MAML3: variants seen among roughly 807,000 people sequenced by gnomAD.
The protein encoded by MAML3 is mastermind-like protein 3.
In MAML3, 27 loss-of-function variants were observed where a neutral mutation model predicts 101.9. That is an observed-to-expected ratio of 0.27 (90% CI 0.20 to 0.37). The LOEUF (loss-of-function observed/expected upper bound fraction) is 0.37. Ranked by LOEUF, MAML3 falls within the 10% of genes least tolerant of loss-of-function variation. The pLI is 1.00. For synonymous variants in MAML3, 501 were observed against 555.9 expected (o/e 0.90, Z 1.39); for missense variants, 1,316 against 1,444.9 (o/e 0.91, Z 1.45).
chr4:140,113,799 G>A (rs1728476341), intron 1 of MAML3, among the ~76,000 whole-genome samples: 1 of 152,174 alleles, frequency 6.6e-6, no homozygotes, highest in African/African-American at 2.4e-5. Context: ...TCTAATCAAA[G>A]TCCATCCAAA....
chr4:140,005,379 G>T (rs1219017245), intron 1 of MAML3, among the ~76,000 whole-genome samples: 1 of 152,178 alleles, frequency 6.6e-6, no homozygotes, highest in Non-Finnish European at 1.5e-5. Flanking sequence ...ACATAGAAAA[G>T]TGCTGCTGCC....
intron 1 of MAML3, among the ~76,000 whole-genome samples, chr4:140,148,743 C>T (rs926634868): frequency 6.6e-6 from 1 of 152,178 alleles, no homozygotes; most frequent in African/African-American, 2.4e-5. Context: ...TGAATCTATT[C>T]CAGGAATGGA....
chr4:140,107,148 G>T (rs1192011083), intron 1 of MAML3, among the ~76,000 whole-genome samples: 2 of 152,160 alleles, frequency 1.3e-5, no homozygotes, highest in Non-Finnish European at 2.9e-5. Context: ...TGGGATTACA[G>T]GCATGAGCCA....
chr4:140,143,182 G>A (rs1729003495), intron 1 of MAML3, among the ~76,000 whole-genome samples: 1 of 152,182 alleles, frequency 6.6e-6, no homozygotes, highest in African/African-American at 2.4e-5. Context: ...ATGTCCTGCT[G>A]CAGCCCAGTG....
At chr4:139,894,556 A>G (rs1482127460) in intron 1 of MAML3, among the ~76,000 whole-genome samples, 1 of 150,818 alleles carries the variant, frequency 6.6e-6, no homozygotes, top group South Asian at 2.1e-4. Flanking sequence ...AGAAAGAAAG[A>G]AAGAAAGAAA....
At chr4:139,854,957 T>A (rs954661538) in intron 2 of MAML3, among the ~76,000 whole-genome samples, 2 of 152,238 alleles carry the variant, frequency 1.3e-5, no homozygotes, top group African/African-American at 4.8e-5. Context: ...AGCCTCCTTC[T>A]ATTTCCTAAA....
chr4:140,022,024 A>G (rs1726741311), intron 1 of MAML3, among the ~76,000 whole-genome samples: 2 of 152,156 alleles, frequency 1.3e-5, no homozygotes, highest in Non-Finnish European at 2.9e-5. Context: ...TGGAGTGCTA[A>G]CCTCAACAGT....
chr4:140,078,301 G>A (rs1223069653), intron 1 of MAML3, among the ~76,000 whole-genome samples: 1 of 152,166 alleles, frequency 6.6e-6, no homozygotes. Context: ...ACTTTATCAA[G>A]CTACTAAACA....
chr4:139,906,232 T>C (rs1448787679), intron 1 of MAML3, among the ~76,000 whole-genome samples: 2 of 152,252 alleles, frequency 1.3e-5, no homozygotes, highest in African/African-American at 4.8e-5. Context: ...TAGCTGAGAC[T>C]ATGGGTGCAT....
chr4:140,131,219 G>A (rs1338711600), intron 1 of MAML3, among the ~76,000 whole-genome samples: 3 of 152,138 alleles, frequency 2.0e-5, no homozygotes, highest in Non-Finnish European at 4.4e-5. Context: ...TACCAATAAC[G>A]CTATGCAAAG....
chr4:140,150,602 G>C (rs968757765), intron 1 of MAML3, among the ~76,000 whole-genome samples: 2 of 152,154 alleles, frequency 1.3e-5, no homozygotes, highest in African/African-American at 4.8e-5. Context: ...GGAGCCTCCC[G>C]AAAGGAGCCC....
At chr4:139,770,549 T>C (rs2111066699) in intron 2 of MAML3, among the ~76,000 whole-genome samples, 1 of 152,320 alleles carries the variant, frequency 6.6e-6, no homozygotes, top group Non-Finnish European at 1.5e-5. Flanking sequence ...GTGGCTGAGC[T>C]GAAGCAGGAC....
rs115394118 is a variant in MAML3 at position 139,720,300 on chromosome 4, C to T, written c.2440G>A (p.Val814Ile). Residue 814 changes from valine (V) to isoleucine (I), a missense_variant, in exon 5 of 5, where the codon GTA becomes ATA. Coordinates refer to ENST00000509479, the MANE Select transcript of MAML3 (RefSeq NM_018717.5). ...FQGSPQDIAA[V>I]RSQAALQSMR... ...CTCTGGAGGGCTGCTTGGCTTCTTA[C>T]GGCTGCTATATCCTGGGGAGAACCT... The T allele has an allele frequency of 1.0e-3, 1,624 of 1,552,172 alleles. 9 individuals are homozygous for T. The African/African-American group carries it at 0.019, about 18-fold the overall frequency.
intron 2 of MAML3, among the ~76,000 whole-genome samples, chr4:139,814,356 C>T (rs1463979463): frequency 6.6e-6 from 1 of 152,158 alleles, no homozygotes; most frequent in African/African-American, 2.4e-5. Flanking sequence ...ACTCTGTGAT[C>T]TCAAGTTATG....
At chr4:140,015,556 C>T (rs935984263) in intron 1 of MAML3, among the ~76,000 whole-genome samples, 1 of 152,186 alleles carries the variant, frequency 6.6e-6, no homozygotes, top group Non-Finnish European at 1.5e-5. Flanking sequence ...AATGCTTTCT[C>T]CCTGATACCA....
intron 1 of MAML3, among the ~76,000 whole-genome samples, chr4:139,942,370 C>T (rs539960239): frequency 9.2e-5 from 14 of 152,134 alleles, no homozygotes; most frequent in South Asian, 6.2e-4. Flanking sequence ...GGTAGACAGA[C>T]GCCTTGCTAT....
chr4:140,115,229 A>T (rs1214356655), intron 1 of MAML3, among the ~76,000 whole-genome samples: 1 of 152,184 alleles, frequency 6.6e-6, no homozygotes, highest in African/African-American at 2.4e-5. Context: ...ACTATTTTTG[A>T]GTTATTCATA....
chr4:139,836,308 G>A (rs906650573), intron 2 of MAML3, among the ~76,000 whole-genome samples: 1 of 152,070 alleles, frequency 6.6e-6, no homozygotes, highest in South Asian at 2.1e-4. Flanking sequence ...TGTTTCACCC[G>A]CCTATCGTCT....
At chr4:139,756,520 A>G (rs1481422609) in intron 2 of MAML3, among the ~76,000 whole-genome samples, 4 of 152,172 alleles carry the variant, frequency 2.6e-5, no homozygotes, top group African/African-American at 7.2e-5. Flanking sequence ...TAAACCTTAA[A>G]GGGACCCCGA....
Sources: allele counts gnomAD v4.1 joint callset (sites outside exome capture counted in the v4.1 genomes callset), GRCh38; gene constraint gnomAD v4.1.1; transcripts MANE v1.5; gene names NCBI Gene and HGNC (gene_info 2026-07-23, HGNC 2026-07-21).